The following WDR47 variants were observed in gnomAD, a reference collection of about 807,000 sequenced individuals.
WDR47 encodes WD repeat domain 47, also known as WD repeat-containing protein 47.
WDR47 carries 32 observed loss-of-function variants against 97.2 expected under a neutral mutation model. The observed-to-expected ratio is 0.33, with a 90% CI of 0.25 to 0.44. The LOEUF is 0.44. WDR47 is among the 20% of genes least tolerant of loss of function. The probability of loss-of-function intolerance (pLI) is 1.00; values close to 1 mark genes in which losing one functional copy is unlikely to be tolerated. For synonymous variants in WDR47, 375 were observed against 373.5 expected, an observed-to-expected ratio of 1.00 and a Z score of -0.05; for missense variants, 782 against 1,102.3, an observed-to-expected ratio of 0.71 and a Z score of 4.11.
intron 10 of WDR47, among the ~76,000 whole-genome samples, chr1:108,984,399 T>C (rs192862556): frequency 4.1e-4 from 63 of 152,326 alleles, no homozygotes; most frequent in African/African-American, 1.5e-3. Flanking sequence ...AAATGACATA[T>C]CTAAGATTTA....
At chr1:109,013,753 T>C in intron 4 of WDR47, 88 bp downstream of exon 4, 1 of 1,402,496 alleles carries the variant, frequency 7.1e-7, no homozygotes, top group Admixed American at 2.0e-5. Context: ...TCTGAAAACT[T>C]GTGATGCTAA....
chr1:109,040,559 C>A (rs1663283345), intron 1 of WDR47, among the ~76,000 whole-genome samples: 1 of 151,890 alleles, frequency 6.6e-6, no homozygotes, highest in South Asian at 2.1e-4. Flanking sequence ...CATCCAAATT[C>A]AAGTGTTTGG....
chr1:108,983,831 T>C (rs1658547386), intron 10 of WDR47, among the ~76,000 whole-genome samples: 1 of 151,614 alleles, frequency 6.6e-6, no homozygotes. Context: ...AATAAACACA[T>C]AATAAACATG....
rs916884542 is a variant in WDR47 at position 109,030,050 on chromosome 1, C to A, written c.-9-6529G>T. 1.8e-4 allele frequency: 87 copies of A among 494,770 alleles called. No homozygotes were observed. In the Admixed American group the frequency reaches 2.0e-3, roughly 12 times the overall value. The allele number at this position is 494,770 out of a possible 1,614,324, so 30.6% of individuals were successfully genotyped here. A position where few individuals can be genotyped will look rare whatever the true frequency, so the allele number is the denominator to read the frequency against. On this transcript the variant is annotated intron_variant, in intron 1 of 14. Transcript: ENST00000369962. ...AATGTCCCTTTCTGGCAGTGACGAC[C>A]TACCCACAGGAGAACATGCCTCTCG...
intron 1 of WDR47, among the ~76,000 whole-genome samples, chr1:109,028,326 A>T (rs1488417935): frequency 6.9e-6 from 1 of 144,718 alleles, no homozygotes; most frequent in African/African-American, 2.6e-5. Context: ...CTGGGACCAC[A>T]GGCATGTGCC....
rs551322839 is a variant in WDR47 at position 108,970,792 on chromosome 1, A to T, written c.*638T>A. On this transcript the variant is annotated 3_prime_UTR_variant, in exon 15 of 15. Transcript: ENST00000369962. The stretch of plus-strand genomic sequence containing the variant: ...CTGAAACAAAATTATATGACAAAAT[A>T]ATCATATCCCTGGGTTTAAGAAAAA... The T allele has an allele frequency of 6.5e-6, 1 of 152,682 alleles. No individual in the cohort carries two copies. Among genetic ancestry groups the T allele is most frequent in the African/African-American group, 2.4e-5 (1 of 41,584 alleles). The allele number at this position is 152,682 out of a possible 1,614,324, so 9.5% of individuals were successfully genotyped here.
chr1:109,020,097 A>G (rs1661715582), intron 2 of WDR47, among the ~76,000 whole-genome samples: 1 of 152,142 alleles, frequency 6.6e-6, no homozygotes, highest in Non-Finnish European at 1.5e-5. Flanking sequence ...AAAAAAATTA[A>G]CATAAAGAAA....
At chr1:109,000,202 ACT>A (rs1660073805) in intron 7 of WDR47, among the ~76,000 whole-genome samples, 2 of 151,578 alleles carry the variant, frequency 1.3e-5, no homozygotes, top group Admixed American at 1.3e-4. Context: ...ACAGAGCAAG[ACT>A]CTATCTCCAT....
intron 6 of WDR47, among the ~76,000 whole-genome samples, chr1:109,003,111 A>G (rs1369658029): frequency 1.3e-5 from 2 of 152,204 alleles, no homozygotes; most frequent in African/African-American, 4.8e-5. Context: ...CTTCAGAAGG[A>G]TACGTATTCT....
chr1:109,023,226 T>C (rs994950904), intron 2 of WDR47, 129 bp downstream of exon 2: 6 of 892,244 alleles, frequency 6.7e-6, no homozygotes, highest in East Asian at 3.5e-5. Flanking sequence ...AAATAAAATA[T>C]TTTTTAAAAT....
In WDR47 at chr1:109,011,515, A is replaced by G. The variant is rs1661033641; in HGVS notation, c.531T>C (p.Pro177=). Residue 177 remains proline, a synonymous_variant, in exon 5 of 15, where the codon CCT becomes CCC. Coordinates refer to ENST00000369962, the MANE Select transcript of WDR47 (RefSeq NM_001142551.2). ...CAGCTTCACTTAGCTTCCTATCAGC[A>G]GGGATGAATTCTGCAACCATGACAC... ...EACVMVAEFI[P]ADRKLSEAGF... The G allele has an allele frequency of 6.2e-7, 1 of 1,614,120 alleles. No homozygotes were observed.
intron 7 of WDR47, among the ~76,000 whole-genome samples, chr1:108,996,845 C>T (rs755414318): frequency 1.3e-5 from 2 of 152,150 alleles, no homozygotes; most frequent in South Asian, 2.1e-4. Context: ...GGGCCAGGTG[C>T]GGTGACTCAT....
chr1:109,012,590 A>AAAAAAAAAAAAAAAAAAAAAAT (rs1553233815), intron 4 of WDR47, among the ~76,000 whole-genome samples: 1 of 150,840 alleles, frequency 6.6e-6, no homozygotes, highest in African/African-American at 2.4e-5. Flanking sequence ...AAAAAAAAAA[A>AAAAAAAAAAAAAAAAAAAAAAT]CAGAAAGGGA....
intron 1 of WDR47, among the ~76,000 whole-genome samples, chr1:109,041,206 G>A (rs1168904626): frequency 6.6e-6 from 1 of 151,796 alleles, no homozygotes; most frequent in East Asian, 1.9e-4. Context: ...AAGGGAAGCG[G>A]TTTAACCCTT....
intron 7 of WDR47, among the ~76,000 whole-genome samples, chr1:108,997,359 C>T (rs559796191): frequency 1.1e-3 from 164 of 151,414 alleles, no homozygotes; most frequent in African/African-American, 3.8e-3. Context: ...GGAAGGATTG[C>T]CTGGGCCCAG....
chr1:109,025,604 C>T (rs1571244786), intron 1 of WDR47, among the ~76,000 whole-genome samples: 3 of 151,254 alleles, frequency 2.0e-5, no homozygotes, highest in East Asian at 3.9e-4. Context: ...CGTGGTGGCA[C>T]GCACCTGTAA....
At chr1:109,004,524 C>A in intron 6 of WDR47, 68 bp downstream of exon 6, 4 of 1,477,574 alleles carry the variant, frequency 2.7e-6, no homozygotes, top group Non-Finnish European at 3.6e-6. Flanking sequence ...TTTTTACATT[C>A]TAAGTAAATT....
intron 4 of WDR47, 146 bp downstream of exon 4, chr1:109,013,695 C>T (rs758987993): frequency 1.2e-5 from 9 of 746,258 alleles, no homozygotes; most frequent in Non-Finnish European, 1.9e-5. Flanking sequence ...AATGAAAATA[C>T]TACACCTGGA....
At chr1:109,002,920 C>T (rs1292513967) in intron 6 of WDR47, among the ~76,000 whole-genome samples, 1 of 152,186 alleles carries the variant, frequency 6.6e-6, no homozygotes, top group Non-Finnish European at 1.5e-5. Flanking sequence ...TGGAAAAAAA[C>T]AGTATGGTGA....
Sources: allele counts gnomAD v4.1 joint callset (sites outside exome capture counted in the v4.1 genomes callset), GRCh38; gene constraint gnomAD v4.1.1; transcripts MANE v1.5; gene names NCBI Gene and HGNC (gene_info 2026-07-23, HGNC 2026-07-21).